Variants in NEK9 observed in about 807,000 individuals in gnomAD.
The protein encoded by NEK9 is NIMA related kinase 9.
Under a neutral mutation model 123.4 loss-of-function variants are expected in NEK9, and 75 were observed. The observed-to-expected ratio is 0.61, with a 90% CI of 0.50 to 0.74. The LOEUF (loss-of-function observed/expected upper bound fraction) is 0.74. Among genes scored for constraint, NEK9 ranks in the 30% least tolerant of loss-of-function variants. The pLI, the probability that NEK9 is intolerant of heterozygous loss-of-function variation, is 0.00. For missense variants in NEK9, 952 were observed against 1,214.4 expected (o/e 0.78, Z 3.21); for synonymous variants, 438 against 458.7 (o/e 0.95, Z 0.58).
intron 8 of NEK9, among the ~76,000 whole-genome samples, chr14:75,110,627 G>A (rs78789650): frequency 0.013 from 1,947 of 152,016 alleles, 24 homozygotes; most frequent in South Asian, 0.028. Flanking sequence ...GTCCAGGCTG[G>A]AACAGAGAGC....
intron 14 of NEK9, among the ~76,000 whole-genome samples, 186 bp from the exon 15 acceptor site, chr14:75,101,951 C>A (rs1199899518): frequency 2.0e-5 from 3 of 152,160 alleles, no homozygotes; most frequent in Non-Finnish European, 1.5e-5. Context: ...AATATGTAAT[C>A]AGAGAATGCA....
chr14:75,113,521 T>C, intron 7 of NEK9, 118 bp from the exon 8 acceptor site: 1 of 702,492 alleles, frequency 1.4e-6, no homozygotes, highest in Middle Eastern at 3.1e-4. Context: ...TCATTTCTTA[T>C]GTGATACTCC....
chr14:75,087,701 A>G (rs539937564), intron 20 of NEK9, among the ~76,000 whole-genome samples: 1 of 152,352 alleles, frequency 6.6e-6, no homozygotes, highest in Non-Finnish European at 1.5e-5. Flanking sequence ...AGAGAAATTA[A>G]AACATTCACC....
chr14:75,105,543 A>G (rs551633750), intron 13 of NEK9, among the ~76,000 whole-genome samples: 2 of 152,332 alleles, frequency 1.3e-5, no homozygotes, highest in African/African-American at 4.8e-5. Context: ...AACAAAAACA[A>G]CTATTAATAT....
Position 75,126,683 on chromosome 14 carries a change from C to G in NEK9, c.219+20G>C. 7.2e-7 allele frequency: 1 copy of G among 1,395,990 alleles called. No homozygotes were observed. The highest frequency in any genetic ancestry group is 9.3e-7 in the Non-Finnish European group (1 of 1,078,242). 86.5% of individuals were successfully genotyped at this position (1,395,990 alleles called of 1,614,324 possible). ...GACCCGACAGCGCCAGACAGGGCGG[C>G]CGGCGCCGAGGGCCGCTACCTCGGT... On this transcript the variant is annotated intron_variant, in intron 1 of 21. Transcript: ENST00000238616.
intron 19 of NEK9, among the ~76,000 whole-genome samples, chr14:75,089,496 T>A (rs1894139233): frequency 1.3e-5 from 2 of 152,126 alleles, no homozygotes. Flanking sequence ...CCCAAAGTGC[T>A]GGGATTACAG....
At chr14:75,105,044 G>C (rs933924323) in intron 13 of NEK9, among the ~76,000 whole-genome samples, 1 of 152,192 alleles carries the variant, frequency 6.6e-6, no homozygotes, top group Non-Finnish European at 1.5e-5. Flanking sequence ...AGGTGACAGA[G>C]TACTGAGGTA....
chr14:75,105,227 G>A (rs957541514), intron 13 of NEK9, among the ~76,000 whole-genome samples: 1 of 151,922 alleles, frequency 6.6e-6, no homozygotes, highest in Non-Finnish European at 1.5e-5. Flanking sequence ...GAATCCCATT[G>A]AGGATGGTCC....
At chr14:75,116,276 T>G (rs1481458845) in intron 6 of NEK9, 1 of 153,400 alleles carries the variant, frequency 6.5e-6, no homozygotes, top group East Asian at 1.9e-4. Context: ...TGAGAACCCA[T>G]CTCTACAAAA....
At chr14:75,126,365 T>G (rs908851452) in intron 1 of NEK9, among the ~76,000 whole-genome samples, 1 of 152,010 alleles carries the variant, frequency 6.6e-6, no homozygotes, top group Non-Finnish European at 1.5e-5. Context: ...CCACTTTAAT[T>G]TACAGAACAG....
rs777458214 is a variant in NEK9, at chr14:75,110,409, T to G, written c.939-38A>C. On this transcript the variant is annotated intron_variant, in intron 8 of 21. Coordinates refer to ENST00000238616, the MANE Select transcript of NEK9 (RefSeq NM_033116.6). The stretch of plus-strand genomic sequence containing the variant: ...AAGCAAAGATACATGAGTGAAATAA[T>G]AGGTTTTTATATTGCAAAGGTGTCT... 3.3e-6 allele frequency: 5 copies of G among 1,498,282 alleles called. No individual in the cohort carries two copies. In the South Asian group the frequency reaches 4.5e-5, roughly 14 times the overall value. 92.8% of individuals were successfully genotyped at this position (1,498,282 alleles called of 1,614,324 possible).
intron 20 of NEK9, 133 bp downstream of exon 20, chr14:75,088,347 T>C: frequency 1.2e-6 from 1 of 820,170 alleles, no homozygotes. Flanking sequence ...CTTTAAGTAC[T>C]GCTGAATAGA....
intron 10 of NEK9, 115 bp from the exon 11 acceptor site, chr14:75,107,602 C>G: frequency 3.7e-6 from 3 of 812,202 alleles, no homozygotes; most frequent in Non-Finnish European, 5.4e-6. Context: ...CTCCTGGGCT[C>G]AAGTGATCCT....
chr14:75,103,866 G>C lies in NEK9; in HGVS notation c.1707C>G (p.Cys569Trp), dbSNP rs1894673875. The change falls in exon 14 of 22, where the codon TGC (cysteine) becomes TGG (tryptophan). Residue 569 changes from cysteine to tryptophan, a missense_variant. Coordinates refer to ENST00000238616, the MANE Select transcript of NEK9 (RefSeq NM_033116.6). Reference sequence around the variant, plus strand: ...CTTCATGGTTGATAATTCCCGACATGCACTGATTCAGACCCAGCTTATTGA... The same window carrying C: ...CTTCATGGTTGATAATTCCCGACATCCACTGATTCAGACCCAGCTTATTGA... ...NEFNKLGLNQ[C>W]MSGIINHEAY... The C allele has an allele frequency of 1.2e-6, 2 of 1,613,380 alleles. No homozygotes were observed. The highest frequency in any genetic ancestry group is 1.7e-6 in the Non-Finnish European group (2 of 1,179,786).
intron 6 of NEK9, among the ~76,000 whole-genome samples, chr14:75,115,900 G>T (rs944811073): frequency 2.0e-5 from 3 of 152,070 alleles, no homozygotes; most frequent in Admixed American, 6.6e-5. Flanking sequence ...GACTTAAAGG[G>T]ATTCATTGTC....
rs369689649 is a variant in NEK9, at chr14:75,101,779, A to T, written c.1732-14T>A. 1.4e-4 allele frequency: 228 copies of T among 1,580,760 alleles called. No individual in the cohort carries two copies. The highest frequency in any genetic ancestry group is 1.7e-4 in the Non-Finnish European group (201 of 1,150,262). Reference sequence around the variant, plus strand: ...TTCATGGTATGCCTGAAACAAAATAAAACACAAAGCAGATGCATGAGGTAA... The same window carrying T: ...TTCATGGTATGCCTGAAACAAAATATAACACAAAGCAGATGCATGAGGTAA... On this transcript the variant is annotated splice_polypyrimidine_tract_variant and intron_variant, in intron 14 of 21. Transcript: ENST00000238616.
chr14:75,123,270 G>A (rs1895401995), intron 2 of NEK9, among the ~76,000 whole-genome samples: 1 of 151,934 alleles, frequency 6.6e-6, no homozygotes, highest in African/African-American at 2.4e-5. Context: ...GCGTGGTGGC[G>A]CATGCCTGTA....
chr14:75,121,025 AAC>A (rs1566660393), intron 3 of NEK9, 92 bp downstream of exon 3: 1 of 1,044,786 alleles, frequency 9.6e-7, no homozygotes, highest in Non-Finnish European at 1.5e-6. Flanking sequence ...AAAGGAAAAA[AAC>A]ACTCTTCACT....
chr14:75,123,404 C>CAA (rs374021221), intron 2 of NEK9, among the ~76,000 whole-genome samples: 251 of 151,056 alleles, frequency 1.7e-3, no homozygotes, highest in African/African-American at 5.9e-3. Flanking sequence ...AACTCCATCT[C>CAA]AAAAAAAATA....
Sources: gnomAD v4.1 joint callset for allele counts (sites outside exome capture counted in the v4.1 genomes callset) on GRCh38, gnomAD v4.1.1 for gene constraint, MANE v1.5 for transcripts, NCBI Gene and HGNC (gene_info 2026-07-23, HGNC 2026-07-21) for gene names.